SLC52A3: variants seen among roughly 807,000 people sequenced by gnomAD.
SLC52A3 encodes solute carrier family 52, riboflavin transporter, member 3.
A neutral mutation model predicts 29.5 loss-of-function variants in SLC52A3; 20 were observed. That is an observed-to-expected ratio of 0.68 (90% CI 0.48 to 0.99). The LOEUF (loss-of-function observed/expected upper bound fraction) is 0.99. Among genes scored for constraint, SLC52A3 ranks in the 50% least tolerant of loss-of-function variants. SLC52A3 has a pLI of 0.00. For missense variants in SLC52A3, 548 were observed against 612.9 expected (o/e 0.89, Z 1.12); for synonymous variants, 301 against 271.0 (o/e 1.11, Z -1.09).
At chr20:772,627 T>C (rs1006918577), upstream of SLC52A3, among the ~76,000 whole-genome samples, 1 of 152,078 alleles carries the variant, frequency 6.6e-6, no homozygotes, top group African/African-American at 2.4e-5. Flanking sequence ...TTGTTTATTT[T>C]ACAGTGACCT....
Position 765,937 on chromosome 20 carries a change from C to CTTTT in SLC52A3, c.-51-116_-51-113dup. On this transcript the variant is annotated intron_variant, in intron 1 of 4. Coordinates refer to ENST00000645534, the MANE Select transcript of SLC52A3 (RefSeq NM_033409.4). This position sits in a 1 kb window ranked among gnomAD's most constrained non-coding sequence, Gnocchi z 6.6. ...ACTCCCCTTCCTGTGAACAAGCTGG[C>CTTTT]TTTTTTTTTTTTCCTTTGAGACATA... 2 of 558,790 alleles carry CTTTT rather than the reference C, an allele frequency of 3.6e-6. No homozygotes were observed. The highest frequency in any genetic ancestry group is 3.1e-6 in the Non-Finnish European group (1 of 323,030). The allele number at this position is 558,790 out of a possible 1,614,324, so 34.6% of individuals were successfully genotyped here. A position where few individuals can be genotyped will look rare whatever the true frequency, so the allele number is the denominator to read the frequency against.
chr20:761,913 C>A, intron 3 of SLC52A3, 89 bp from the exon 4 acceptor site: 1 of 1,582,670 alleles, frequency 6.3e-7, no homozygotes, highest in Middle Eastern at 1.7e-4. Flanking sequence ...TGGCCAGTGT[C>A]TCCATAGTTA....
upstream of SLC52A3, among the ~76,000 whole-genome samples, chr20:776,917 G>A (rs1450508928): frequency 1.3e-5 from 1 of 74,184 alleles, no homozygotes; most frequent in Admixed American, 1.2e-4. Context: ...TTTAGGTGGA[G>A]CCATGGGTGT....
At chr20:778,168 A>G (rs1193946883), upstream of SLC52A3, among the ~76,000 whole-genome samples, 3 of 152,138 alleles carry the variant, frequency 2.0e-5, no homozygotes, top group African/African-American at 7.2e-5. Flanking sequence ...GGCGCACGCC[A>G]CCATGCCCAG....
chr20:778,082 C>T (rs956573016), upstream of SLC52A3, among the ~76,000 whole-genome samples: 3 of 148,456 alleles, frequency 2.0e-5, no homozygotes, highest in African/African-American at 7.5e-5. Context: ...ATGCTGCAAT[C>T]TCGGCTCACT....
upstream of SLC52A3, among the ~76,000 whole-genome samples, chr20:778,074 G>A (rs1247240059): frequency 1.4e-5 from 2 of 147,990 alleles, no homozygotes; most frequent in Admixed American, 6.8e-5. Context: ...GGAGTGCAAT[G>A]CTGCAATCTC....
At chr20:775,961 G>A (rs1028694044) in exon 1 of SLC52A3, 3 of 152,500 alleles carry the variant, frequency 2.0e-5, no homozygotes, top group Admixed American at 6.5e-5. Context: ...TTACCTGCTG[G>A]TCCAGTTCCC....
rs766882276 is a variant in SLC52A3, at chr20:761,105, G to A, written c.1331C>T (p.Ala444Val). The part of the protein sequence containing the change: ...AAVQLGSLLG[A>V]LLMFPLVNVL... ...GTTGACCAGAGGGAACATGAGCAGC[G>A]CTCCGAGCAGCGAGCCCAGCTGCAC... Residue 444 changes from alanine (A) to valine (V), a missense_variant, in exon 5 of 5, where the codon GCG becomes GTG. Coordinates refer to ENST00000645534, the MANE Select transcript of SLC52A3 (RefSeq NM_033409.4). 1.2e-6 allele frequency: 2 copies of A among 1,605,080 alleles called. No individual in the cohort carries two copies.
At position 765,615 on chromosome 20, in the gene SLC52A3, C is replaced by T. The variant is rs797045191; in HGVS notation, c.160G>A (p.Gly54Arg). ...LTVVIQLANIGPLLVTLLHHF... is the reference protein window; with the variant it reads ...LTVVIQLANIRPLLVTLLHHF... ...TGGAGCAGGGTGACCAGGAGGGGCCCGATGTTGGCCAGCTGGATGACCACC... is the reference window on the plus strand; with the variant it reads ...TGGAGCAGGGTGACCAGGAGGGGCCTGATGTTGGCCAGCTGGATGACCACC... Residue 54 changes from glycine to arginine, a missense_variant, in exon 2 of 5, where the codon GGG (glycine) becomes AGG (arginine). Physicochemically the swap from Gly to Arg is moderately radical, Grantham distance 125. Coordinates refer to ENST00000645534, the MANE Select transcript of SLC52A3 (RefSeq NM_033409.4). This position sits in a 1 kb window ranked among gnomAD's most constrained non-coding sequence, Gnocchi z 6.6. 4.4e-6 allele frequency: 7 copies of T among 1,601,000 alleles called. No homozygotes were observed. The highest frequency in any genetic ancestry group is 1.3e-5 in the African/African-American group (1 of 74,772).
chr20:765,356 G>A lies in SLC52A3; in HGVS notation c.419C>T (p.Thr140Ile). 3.1e-6 allele frequency: 5 copies of A among 1,614,160 alleles called. No homozygotes were observed. Among genetic ancestry groups the A allele is most frequent in the Non-Finnish European group, 4.2e-6 (5 of 1,180,024 alleles). ...MSRLPTYYLT[T>I]FFVGEGLSGL... Reference sequence around the variant, plus strand: ...GCTGAGTCCTTCACCCACAAAGAAGGTGGTGAGGTAGTAGGTGGGCAGCCG... The same window carrying A: ...GCTGAGTCCTTCACCCACAAAGAAGATGGTGAGGTAGTAGGTGGGCAGCCG... Residue 140 changes from threonine to isoleucine, a missense_variant, in exon 2 of 5, where the codon ACC becomes ATC. Coordinates refer to ENST00000645534, the MANE Select transcript of SLC52A3 (RefSeq NM_033409.4). The surrounding 1 kb of genome is among the most constrained non-coding windows in gnomAD (Gnocchi z 6.6).
At chr20:767,242 A>G (rs1252020540) in intron 1 of SLC52A3, among the ~76,000 whole-genome samples, 5 of 152,230 alleles carry the variant, frequency 3.3e-5, no homozygotes, top group Admixed American at 1.3e-4. Flanking sequence ...GAAAAAGTGT[A>G]CTGCCTTTTG....
chr20:761,629 C>T (rs1400023413), intron 4 of SLC52A3, 72 bp downstream of exon 4: 8 of 1,599,348 alleles, frequency 5.0e-6, no homozygotes, highest in East Asian at 2.3e-5. Context: ...AGGGCCGCGC[C>T]CAAGCTCTCC....
At chr20:762,190 G>A (rs568493790) in intron 3 of SLC52A3, among the ~76,000 whole-genome samples, 15 of 152,332 alleles carry the variant, frequency 9.8e-5, no homozygotes, top group South Asian at 2.1e-4. Flanking sequence ...GCCTGGCGCC[G>A]CTGTGGGCCC....
At chr20:762,144 G>T (rs916912296) in intron 3 of SLC52A3, among the ~76,000 whole-genome samples, 2 of 152,208 alleles carry the variant, frequency 1.3e-5, no homozygotes, top group African/African-American at 4.8e-5. Flanking sequence ...TCGGAGTTTT[G>T]CAAGGCTGCA....
At chr20:767,349 C>T (rs6085776) in intron 1 of SLC52A3, among the ~76,000 whole-genome samples, 40,838 of 151,094 alleles carry the variant, frequency 0.27, 6,001 homozygotes, top group South Asian at 0.36. Flanking sequence ...TTGGTGATGC[C>T]TCTGTATATC....
intron 1 of SLC52A3, among the ~76,000 whole-genome samples, chr20:767,786 C>T (rs940744324): frequency 6.6e-6 from 1 of 152,228 alleles, no homozygotes; most frequent in Non-Finnish European, 1.5e-5. Context: ...ATATCACTCT[C>T]TACGTGGCCT....
At chr20:779,408 G>C (rs531627330), upstream of SLC52A3, among the ~76,000 whole-genome samples, 157 of 152,322 alleles carry the variant, frequency 1.0e-3, no homozygotes, top group African/African-American at 3.6e-3. Context: ...GATCACCTCA[G>C]GTCAGGAGTT....
intron 2 of SLC52A3, among the ~76,000 whole-genome samples, chr20:764,544 A>ATCCCC (rs1986613208): frequency 6.6e-6 from 1 of 152,068 alleles, no homozygotes. Context: ...CTAAGGAAGA[A>ATCCCC]CACTGCTCCA....
rs1986425348 is a variant in SLC52A3 at position 760,661 on chromosome 20, GCA to G, written c.*363_*364del. On this transcript the variant is annotated 3_prime_UTR_variant, in exon 5 of 5. Coordinates refer to ENST00000645534, the MANE Select transcript of SLC52A3 (RefSeq NM_033409.4). This position sits in a 1 kb window ranked among gnomAD's most constrained non-coding sequence, Gnocchi z 4.9. Reference sequence around the variant, plus strand: ...CCCCACTGCATGCATGAAGAAACAGGCACAGAGAAGCCAAATGACTTTCCCAA... The same window carrying G: ...CCCCACTGCATGCATGAAGAAACAGGCAGAGAAGCCAAATGACTTTCCCAA... The G allele has an allele frequency of 3.5e-6, 1 of 284,824 alleles. No individual in the cohort carries two copies. The highest frequency in any genetic ancestry group is 2.1e-5 in the African/African-American group (1 of 46,638). 17.6% of individuals were successfully genotyped at this position (284,824 alleles called of 1,614,324 possible).
Sources: allele counts gnomAD v4.1 joint callset (sites outside exome capture counted in the v4.1 genomes callset), GRCh38; gene constraint gnomAD v4.1.1; non-coding constraint Gnocchi (gnomAD v3.1); transcripts MANE v1.5; gene names NCBI Gene and HGNC (gene_info 2026-07-23, HGNC 2026-07-21).